Variants in CDK2 observed in about 807,000 individuals in gnomAD.
CDK2 encodes cyclin dependent kinase 2, also known as cyclin-dependent kinase 2.
In CDK2, 8 loss-of-function variants were observed where a neutral mutation model predicts 35.0. The observed-to-expected ratio is 0.23, with a 90% CI of 0.13 to 0.41. The LOEUF (loss-of-function observed/expected upper bound fraction) is 0.41. CDK2 is among the 10% of genes least tolerant of loss of function. The probability of loss-of-function intolerance (pLI) is 1.00; values close to 1 mark genes in which losing one functional copy is unlikely to be tolerated. For missense variants in CDK2, 201 were observed against 367.1 expected, an observed-to-expected ratio of 0.55 and a Z score of 3.70; for synonymous variants, 134 against 137.7, an observed-to-expected ratio of 0.97 and a Z score of 0.19.
At position 55,967,374 on chromosome 12, in the gene CDK2, G is replaced by A. The variant is rs558861719; in HGVS notation, c.116+250G>A. ...TGAGCCGGATCGTGCCCCCAAATGTGCGACTACAGACTCGGGGAGAGAAAG... is the reference window on the plus strand; with the variant it reads ...TGAGCCGGATCGTGCCCCCAAATGTACGACTACAGACTCGGGGAGAGAAAG... On this transcript the variant is annotated intron_variant, in intron 1 of 6. Transcript: ENST00000266970. The A allele has an allele frequency of 7.6e-6, 4 of 527,968 alleles. No individual in the cohort carries two copies. The South Asian group carries it at 9.2e-5, about 12-fold the overall frequency. 32.7% of individuals were successfully genotyped at this position (527,968 alleles called of 1,614,324 possible). A position where few individuals can be genotyped will look rare whatever the true frequency, so the allele number is the denominator to read the frequency against.
chr12:55,966,882 C>A lies in CDK2; in HGVS notation c.-127C>A. On this transcript the variant is annotated 5_prime_UTR_variant, in exon 1 of 7. Coordinates refer to ENST00000266970, the MANE Select transcript of CDK2 (RefSeq NM_001798.5). ...GAGCGAGAGGTATACTGCGTTCCAT[C>A]CCGACCCGGGGCCACGGTACTGGGC... The A allele has an allele frequency of 2.2e-6, 2 of 916,126 alleles. No homozygotes were observed. The highest frequency in any genetic ancestry group is 3.3e-6 in the Non-Finnish European group (2 of 607,452). 56.7% of individuals were successfully genotyped at this position (916,126 alleles called of 1,614,324 possible).
At chr12:55,969,369 T>C in intron 4 of CDK2, 106 bp from the exon 5 acceptor site, 1 of 532,828 alleles carries the variant, frequency 1.9e-6, no homozygotes, top group Non-Finnish European at 3.4e-6. Flanking sequence ...GGAAGGAAAC[T>C]GCTTGTTAAG....
chr12:55,968,344 G>T lies in CDK2; in HGVS notation c.315+175G>T. ...TGCTCATTATATTCATTAACCCTAG[G>T]GTTGGACTGAACAATCAAAGTTGAA... is the stretch of plus-strand genomic sequence containing the variant. On this transcript the variant is annotated intron_variant, in intron 3 of 6. Transcript: ENST00000266970. 4.5e-6 allele frequency: 3 copies of T among 662,724 alleles called. No homozygotes were observed. In the South Asian group the frequency reaches 6.4e-5, roughly 14 times the overall value. The allele number at this position is 662,724 out of a possible 1,614,324, so 41.1% of individuals were successfully genotyped here. A position where few individuals can be genotyped will look rare whatever the true frequency, so the allele number is the denominator to read the frequency against.
chr12:55,971,136 GC>G lies in CDK2; in HGVS notation c.683del (p.Pro228GlnfsTer62). 3 of 1,614,136 alleles carry G rather than the reference GC, an allele frequency of 1.9e-6. No individual in the cohort carries two copies. Among genetic ancestry groups the G allele is most frequent in the Non-Finnish European group, 2.5e-6 (3 of 1,180,010 alleles). On this transcript the variant is annotated frameshift_variant, in exon 6 of 7. Transcript: ENST00000266970. LOFTEE classifies it high-confidence loss of function. ...TLGTPDEVVW[P>X]GVTSMPDYKP... The stretch of plus-strand genomic sequence containing the variant: ...TGGGGACCCCAGATGAGGTGGTGTG[GC>G]CAGGAGTTACTTCTATGCCTGATTA...
In CDK2 at chr12:55,966,912, T is replaced by A. The variant is rs1185744688; in HGVS notation, c.-97T>A. Reference sequence around the variant, plus strand: ...CCCGGGGCCACGGTACTGGGCCCTGTTTCCCCCTCCTCGGCCCCCGAGAGC... The same window carrying A: ...CCCGGGGCCACGGTACTGGGCCCTGATTCCCCCTCCTCGGCCCCCGAGAGC... On this transcript the variant is annotated 5_prime_UTR_variant, in exon 1 of 7. Coordinates refer to ENST00000266970, the MANE Select transcript of CDK2 (RefSeq NM_001798.5). 2.8e-6 allele frequency: 3 copies of A among 1,058,004 alleles called. No homozygotes were observed. Among genetic ancestry groups the A allele is most frequent in the Non-Finnish European group, 4.2e-6 (3 of 711,902 alleles). The allele number at this position is 1,058,004 out of a possible 1,614,324, so 65.5% of individuals were successfully genotyped here.
intron 1 of CDK2, 162 bp from the exon 2 acceptor site, chr12:55,967,694 AC>A: frequency 1.6e-6 from 1 of 630,370 alleles, no homozygotes; most frequent in Non-Finnish European, 2.8e-6. Context: ...CAAAAACCAC[AC>A]CCTGACTACC....
chr12:55,969,528 T>C lies in CDK2; in HGVS notation c.540T>C (p.Tyr180=). 6.2e-7 allele frequency: 1 copy of C among 1,611,876 alleles called. No individual in the cohort carries two copies. The highest frequency in any genetic ancestry group is 8.5e-7 in the Non-Finnish European group (1 of 1,178,956). The change falls in exon 5 of 7, where the codon TAT becomes TAC. Residue 180 remains tyrosine (Y), a synonymous_variant. Coordinates refer to ENST00000266970, the MANE Select transcript of CDK2 (RefSeq NM_001798.5). ...AAATCCTCCTGGGCTGCAAATATTA[T>C]TCCACAGCTGTGGACATCTGGAGCC... ...APEILLGCKY[Y]STAVDIWSLG... is the part of the protein sequence containing the mutation.
intron 3 of CDK2, 41 bp downstream of exon 3, chr12:55,968,210 T>TG: frequency 6.2e-7 from 1 of 1,608,210 alleles, no homozygotes; most frequent in Non-Finnish European, 8.5e-7. Flanking sequence ...GGGCATGTCT[T>TG]GGGGGACTGG....
rs753784372 is a variant in CDK2 at position 55,971,166 on chromosome 12, G to A, written c.711G>A (p.Lys237=). 2.8e-5 allele frequency: 45 copies of A among 1,613,990 alleles called. No homozygotes were observed. The highest frequency in any genetic ancestry group is 8.3e-5 in the Admixed American group (5 of 59,996). ...GAGTTACTTCTATGCCTGATTACAA[G>A]CCAAGTTTCCCCAAGTGGGCCCGGC... ...WPGVTSMPDY[K]PSFPKWARQD... The change falls in exon 6 of 7, where the codon AAG becomes AAA. Residue 237 remains lysine (K), a synonymous_variant. Transcript: ENST00000266970.
rs1889511262 is a variant in CDK2, at chr12:55,972,641, G to C, written c.*1016G>C. On this transcript the variant is annotated 3_prime_UTR_variant, in exon 7 of 7. Coordinates refer to ENST00000266970, the MANE Select transcript of CDK2 (RefSeq NM_001798.5). ...TGGATTTGTTGCCATGTGCACCTTG[G>C]GGTTTTGTAATGACAGTGCTAAAAA... 1.4e-5 allele frequency: 2 copies of C among 146,672 alleles called. No individual in the cohort carries two copies. Among genetic ancestry groups the C allele is most frequent in the Admixed American group, 1.4e-4 (2 of 14,768 alleles). The allele number at this position is 146,672 out of a possible 1,614,324, so 9.1% of individuals were successfully genotyped here. A position where few individuals can be genotyped will look rare whatever the true frequency, so the allele number is the denominator to read the frequency against.
intron 5 of CDK2, chr12:55,970,647 G>A (rs1156989615): frequency 1.4e-6 from 1 of 702,364 alleles, no homozygotes. Flanking sequence ...GAACACAGAA[G>A]AAATGGAAGA....
rs763499108 is a variant in CDK2 at position 55,968,970 on chromosome 12, T to C, written c.486+22T>C. The C allele has an allele frequency of 9.8e-6, 15 of 1,531,064 alleles. No individual in the cohort carries two copies. The South Asian group carries it at 1.8e-4, about 18-fold the overall frequency. 94.8% of individuals were successfully genotyped at this position (1,531,064 alleles called of 1,614,324 possible). Reference sequence around the variant, plus strand: ...TGAGGTGAGTCCCTTTATGTCTTTTTTCTCTGAGCTTCCCAAGAGGTGTTA... The same window carrying C: ...TGAGGTGAGTCCCTTTATGTCTTTTCTCTCTGAGCTTCCCAAGAGGTGTTA... On this transcript the variant is annotated intron_variant, in intron 4 of 6. Transcript: ENST00000266970.
At chr12:55,969,292 A>T (rs777392251) in intron 4 of CDK2, among the ~76,000 whole-genome samples, 183 bp from the exon 5 acceptor site, 1 of 152,038 alleles carries the variant, frequency 6.6e-6, no homozygotes, top group Non-Finnish European at 1.5e-5. Flanking sequence ...TTCCAGGAAG[A>T]TCTCAAATTA....
intron 4 of CDK2, 23 bp from the exon 5 acceptor site, chr12:55,969,452 C>G (rs772400782): frequency 8.6e-6 from 12 of 1,399,066 alleles, no homozygotes; most frequent in African/African-American, 1.4e-5. Flanking sequence ...ACCACCCCGC[C>G]CCTCCCTATT....
chr12:55,966,972 G>T lies in CDK2; in HGVS notation c.-37G>T. 2 of 1,536,434 alleles carry T rather than the reference G, an allele frequency of 1.3e-6. No individual in the cohort carries two copies. Among genetic ancestry groups the T allele is most frequent in the East Asian group, 4.6e-5 (2 of 43,802 alleles). ...CCTTCTGCAGGGTTCCCAGGCCCCC[G>T]CTCCAGGGCCGGGCTGACCCGACTC... On this transcript the variant is annotated 5_prime_UTR_variant, in exon 1 of 7. Transcript: ENST00000266970.
intron 5 of CDK2, chr12:55,970,556 G>A: frequency 1.4e-6 from 1 of 697,798 alleles, no homozygotes; most frequent in Non-Finnish European, 2.6e-6. Flanking sequence ...CCTTACAATT[G>A]TCCGTATTCC....
chr12:55,967,134 C>T lies in CDK2; in HGVS notation c.116+10C>T, dbSNP rs1157147310. 3 of 1,594,078 alleles carry T rather than the reference C, an allele frequency of 1.9e-6. No homozygotes were observed. The highest frequency in any genetic ancestry group is 1.3e-5 in the African/African-American group (1 of 74,520). ...AAATCCGCCTGGACACGTGAGTGGC[C>T]TCTGTACCCGGGACTCCTAACTGGG... On this transcript the variant is annotated intron_variant, in intron 1 of 6. Coordinates refer to ENST00000266970, the MANE Select transcript of CDK2 (RefSeq NM_001798.5).
In CDK2 at chr12:55,971,050, C is replaced by T. The variant is rs770371861; in HGVS notation, c.595C>T (p.Arg199Cys). 6.2e-6 allele frequency: 10 copies of T among 1,613,962 alleles called. No homozygotes were observed. Among genetic ancestry groups the T allele is most frequent in the Admixed American group, 3.3e-5 (2 of 60,020 alleles). ...LGCIFAEMVT[R>C]RALFPGDSEI... ...CCTCTTTCCCCATTTTCAGGTGACT[C>T]GCCGGGCCCTATTCCCTGGAGATTC... Residue 199 changes from arginine (R) to cysteine (C), a missense_variant, in exon 6 of 7, where the codon CGC (arginine) becomes TGC (cysteine). Around this residue, in one of 5 missense-constraint regions of CDK2, gnomAD observed 106 missense variants for 141.3 expected, o/e 0.75. Transcript: ENST00000266970.
chr12:55,967,304 G>T (rs1889349479), intron 1 of CDK2, 180 bp downstream of exon 1: 1 of 605,656 alleles, frequency 1.7e-6, no homozygotes, highest in East Asian at 2.8e-5. Flanking sequence ...TCCCTGGGGA[G>T]AGTATAGGGT....
Sources: gnomAD v4.1 joint callset for allele counts (sites outside exome capture counted in the v4.1 genomes callset) on GRCh38, gnomAD v4.1.1 for gene constraint, gnomAD v4.1.1 regional missense constraint, MANE v1.5 for transcripts, NCBI Gene and HGNC (gene_info 2026-07-23, HGNC 2026-07-21) for gene names.